Variants in RUNX3 observed in about 807,000 individuals in gnomAD.
The protein encoded by RUNX3 is RUNX family transcription factor 3.
A neutral mutation model predicts 27.7 loss-of-function variants in RUNX3; 10 were observed. The ratio of observed to expected loss-of-function variants is 0.36; its 90% CI spans 0.22 to 0.61. RUNX3 has a LOEUF of 0.61. Ranked by LOEUF, RUNX3 falls within the 20% of genes least tolerant of loss-of-function variation. RUNX3 has a pLI of 0.72. For missense variants in RUNX3, 469 were observed against 629.5 expected (o/e 0.75, Z 2.73); for synonymous variants, 270 against 269.2 (o/e 1.00, Z -0.03).
intron 4 of RUNX3, among the ~76,000 whole-genome samples, chr1:24,905,028 C>T (rs1020217096): frequency 2.4e-4 from 36 of 152,256 alleles, no homozygotes; most frequent in African/African-American, 6.7e-4. Context: ...CCATTGTGGG[C>T]GGCTGCGGCT....
At chr1:24,919,432 C>T (rs994918554) in intron 2 of RUNX3, 88 bp from the exon 3 acceptor site, 2 of 836,514 alleles carry the variant, frequency 2.4e-6, no homozygotes, top group Admixed American at 2.2e-5. Context: ...CCCCTGGAAG[C>T]CCCTAACTGT....
chr1:24,917,291 C>T (rs1474485306), intron 3 of RUNX3, among the ~76,000 whole-genome samples: 1 of 152,160 alleles, frequency 6.6e-6, no homozygotes, highest in African/African-American at 2.4e-5. Flanking sequence ...GCAGGGCTGC[C>T]ACCTCCTTCA....
intron 2 of RUNX3, among the ~76,000 whole-genome samples, chr1:24,950,078 T>A (rs2124359314): frequency 6.6e-6 from 1 of 152,388 alleles, no homozygotes; most frequent in Middle Eastern, 3.4e-3. Context: ...GGGTCCTGCA[T>A]GTCTCTCCAA....
At chr1:24,908,062 A>C in intron 3 of RUNX3, among the ~76,000 whole-genome samples, 1 of 151,696 alleles carries the variant, frequency 6.6e-6, no homozygotes, top group Non-Finnish European at 1.5e-5. Flanking sequence ...CCTCTACGAC[A>C]CACGGTGATC....
upstream of RUNX3, among the ~76,000 whole-genome samples, chr1:24,932,644 C>A (rs946468373): frequency 6.6e-6 from 1 of 152,190 alleles, no homozygotes; most frequent in Admixed American, 6.5e-5. Context: ...TTCAGGCACC[C>A]GGGGAAGACC....
rs755456342 is a variant in RUNX3, at chr1:24,902,432, G to A, written c.938C>T (p.Pro313Leu). 27 of 1,610,514 alleles carry A rather than the reference G, an allele frequency of 1.7e-5. No homozygotes were observed. The highest frequency in any genetic ancestry group is 2.1e-5 in the Non-Finnish European group (25 of 1,177,900). Residue 313 changes from proline (P) to leucine (L), a missense_variant, in exon 5 of 5, where the codon CCG becomes CTG. By Grantham distance (98) the Pro-to-Leu change is moderately conservative (BLOSUM62 -3). This residue lies in a region of RUNX3 where 279 missense variants were observed against 343.0 expected (regional missense o/e 0.81). Transcript: ENST00000308873. This position sits in a 1 kb window ranked among gnomAD's most constrained non-coding sequence, Gnocchi z 9.2. ...CCCGCTCTGGTTCTGCGGGGCCCCCGGGTAGGGTGGCGGGAGGTAGGTATG... is the reference window on the plus strand; with the variant it reads ...CCCGCTCTGGTTCTGCGGGGCCCCCAGGTAGGGTGGCGGGAGGTAGGTATG... ...FHHTYLPPPY[P>L]GAPQNQSGPF...
In RUNX3 at chr1:24,916,658, T is replaced by TG. The variant is rs199644023; in HGVS notation, c.544+2581dup. 3.6e-3 allele frequency among the ~76,000 whole-genome samples: 548 copies of TG among 151,518 alleles called. 3 individuals are homozygous for TG. The highest frequency in any genetic ancestry group is 0.01 in the Middle Eastern group (3 of 294). On this transcript the variant is annotated intron_variant, in intron 3 of 4. Coordinates refer to ENST00000308873, the MANE Select transcript of RUNX3 (RefSeq NM_004350.3). This position sits in a 1 kb window ranked among gnomAD's most constrained non-coding sequence, Gnocchi z 4.8. The stretch of plus-strand genomic sequence containing the variant: ...AGGAGTGGGGCTGCAACCCAGGGTA[T>TG]GGGGGGGGACCTGATCTCAGGGCCA...
In RUNX3 at chr1:24,907,941, G is replaced by A. The variant is rs1409805577; in HGVS notation, c.545-524C>T. On this transcript the variant is annotated intron_variant, in intron 3 of 4. Coordinates refer to ENST00000308873, the MANE Select transcript of RUNX3 (RefSeq NM_004350.3). ...TGTGATGTAAACCTCTACAACACGC[G>A]GTGATCTAAACCTCAACCACACGCG... Among the ~76,000 whole-genome samples, 3 of 150,426 alleles carry A rather than the reference G, an allele frequency of 2.0e-5. No homozygotes were observed. The South Asian group carries it at 6.3e-4, about 32-fold the overall frequency.
chr1:24,957,842 C>T (rs944815685), intron 2 of RUNX3, among the ~76,000 whole-genome samples: 4 of 152,224 alleles, frequency 2.6e-5, no homozygotes, highest in Non-Finnish European at 5.9e-5. Context: ...CCTCTCCCAA[C>T]GCCACACAGC....
At chr1:24,951,204 CA>C (rs542137531) in intron 2 of RUNX3, among the ~76,000 whole-genome samples, 51 of 96,420 alleles carry the variant, frequency 5.3e-4, no homozygotes, top group African/African-American at 4.7e-4. Flanking sequence ...GACTCCATCT[CA>C]AAAAAAAAAA....
intron 3 of RUNX3, among the ~76,000 whole-genome samples, chr1:24,908,041 G>A (rs567265935): frequency 6.6e-5 from 10 of 151,492 alleles, no homozygotes; most frequent in East Asian, 3.9e-4. Context: ...AACCACACGC[G>A]GTGATCCGAA....
chr1:24,923,835 C>T lies in RUNX3; in HGVS notation c.439+3739G>A, dbSNP rs895331026. Among the ~76,000 whole-genome samples, 7 of 152,186 alleles carry T rather than the reference C, an allele frequency of 4.6e-5. No individual in the cohort carries two copies. The highest frequency in any genetic ancestry group is 4.6e-4 in the Admixed American group (7 of 15,282). On this transcript the variant is annotated intron_variant, in intron 2 of 4. Transcript: ENST00000308873. The surrounding 1 kb of genome is among the most constrained non-coding windows in gnomAD (Gnocchi z 5.9). ...CCGAATCTCTGTCGACACACAGTTG[C>T]TTTTTAACCAGTTGATCACAGCTCG...
At chr1:24,933,527 C>T (rs1641279216), upstream of RUNX3, among the ~76,000 whole-genome samples, 1 of 152,158 alleles carries the variant, frequency 6.6e-6, no homozygotes, top group Non-Finnish European at 1.5e-5. Context: ...CTTACTAGGA[C>T]TCCAAGCCAG....
chr1:24,955,934 A>G (rs377078345), intron 2 of RUNX3, among the ~76,000 whole-genome samples: 4 of 152,228 alleles, frequency 2.6e-5, no homozygotes, highest in Admixed American at 2.0e-4. Flanking sequence ...AGCAGCAACC[A>G]ATTCGCCCAC....
rs1230454573 is a variant in RUNX3 at position 24,902,362 on chromosome 1, T to G, written c.1008A>C (p.Thr336=). The G allele has an allele frequency of 6.2e-7, 1 of 1,612,258 alleles. No homozygotes were observed. The highest frequency in any genetic ancestry group is 1.1e-5 in the South Asian group (1 of 91,012). The change falls in exon 5 of 5, where the codon ACA becomes ACC. Residue 336 remains threonine, a synonymous_variant. Transcript: ENST00000308873. The surrounding 1 kb of genome is among the most constrained non-coding windows in gnomAD (Gnocchi z 9.2). ...TGGAGAACTGGTAGGAGCCAGAGGA[T>G]GTCCCGTAGTAGAGGTGGTAGGGGG... ...NPSPYHLYYG[T]SSGSYQFSMV...
chr1:24,938,792 G>A (rs1449723347), intron 2 of RUNX3, among the ~76,000 whole-genome samples: 2 of 152,104 alleles, frequency 1.3e-5, no homozygotes. Flanking sequence ...GTCCTCCGGA[G>A]GACACAGCCA....
chr1:24,962,645 A>G lies in RUNX3; in HGVS notation c.58+1869T>C, dbSNP rs999372523. 1.3e-5 allele frequency among the ~76,000 whole-genome samples: 2 copies of G among 152,198 alleles called. No individual in the cohort carries two copies. Among genetic ancestry groups the G allele is most frequent in the African/African-American group, 4.8e-5 (2 of 41,448 alleles). Reference sequence around the variant, plus strand: ...CTCGGGCCACAGACCCCAGATCCAAACATCTCCACAGACCCTAGCCTATGA... The same window carrying G: ...CTCGGGCCACAGACCCCAGATCCAAGCATCTCCACAGACCCTAGCCTATGA... On this transcript the variant is annotated intron_variant, in intron 2 of 6. Transcript: ENST00000338888. The surrounding 1 kb of genome is among the most constrained non-coding windows in gnomAD (Gnocchi z 4.5).
intron 2 of RUNX3, chr1:24,964,431 G>A: frequency 1.8e-6 from 2 of 1,142,054 alleles, no homozygotes; most frequent in East Asian, 2.5e-5. Flanking sequence ...GCGCTTGAGG[G>A]CAGCCAGGGC....
chr1:24,921,071 C>T (rs1183040253), intron 2 of RUNX3, among the ~76,000 whole-genome samples: 1 of 152,100 alleles, frequency 6.6e-6, no homozygotes, highest in African/African-American at 2.4e-5. Flanking sequence ...TCACCTGTAC[C>T]CCAGGGCTGG....
Sources: gnomAD v4.1 joint callset for allele counts (sites outside exome capture counted in the v4.1 genomes callset) on GRCh38, gnomAD v4.1.1 for gene constraint, gnomAD v4.1.1 regional missense constraint, Gnocchi (gnomAD v3.1) non-coding constraint, MANE v1.5 for transcripts, NCBI Gene and HGNC (gene_info 2026-07-23, HGNC 2026-07-21) for gene names.